Variants in SLCO2A1 observed in about 807,000 individuals in gnomAD.
SLCO2A1 encodes the protein matrin F/G 1.
A neutral mutation model predicts 71.7 loss-of-function variants in SLCO2A1; 60 were observed. The ratio of observed to expected loss-of-function variants is 0.84; its 90% CI spans 0.68 to 1.04. The LOEUF (loss-of-function observed/expected upper bound fraction) is 1.04. SLCO2A1 is among the 50% of genes least tolerant of loss of function. The pLI is 0.00. For synonymous variants in SLCO2A1, 308 were observed against 326.7 expected, an observed-to-expected ratio of 0.94 and a Z score of 0.62; for missense variants, 745 against 813.4, an observed-to-expected ratio of 0.92 and a Z score of 1.02.
chr3:133,969,737 A>G (rs1934282552), intron 3 of SLCO2A1, among the ~76,000 whole-genome samples: 2 of 152,164 alleles, frequency 1.3e-5, no homozygotes. Flanking sequence ...CTCCCATTTT[A>G]TAGGTAAGGA....
intron 1 of SLCO2A1, among the ~76,000 whole-genome samples, chr3:133,989,009 G>A (rs1220583336): frequency 6.6e-6 from 1 of 152,186 alleles, no homozygotes; most frequent in Non-Finnish European, 1.5e-5. Flanking sequence ...AGGATCAAAG[G>A]CTACTCTCCT....
At chr3:133,934,946 G>A in intron 13 of SLCO2A1, 116 bp from the exon 14 acceptor site, 5 of 759,098 alleles carry the variant, frequency 6.6e-6, no homozygotes, top group Non-Finnish European at 8.8e-6. Flanking sequence ...GAAGGTGTGG[G>A]CACCATCCAG....
intron 1 of SLCO2A1, among the ~76,000 whole-genome samples, chr3:133,993,770 A>G (rs966038031): frequency 1.3e-5 from 2 of 152,232 alleles, no homozygotes; most frequent in African/African-American, 4.8e-5. Context: ...TAGGACATTC[A>G]GACCTATTAG....
At chr3:133,970,382 C>T (rs1934295967) in intron 3 of SLCO2A1, among the ~76,000 whole-genome samples, 1 of 152,194 alleles carries the variant, frequency 6.6e-6, no homozygotes, top group Non-Finnish European at 1.5e-5. Flanking sequence ...TCCAGTAGAC[C>T]ATTCAGGTTC....
intron 3 of SLCO2A1, among the ~76,000 whole-genome samples, chr3:133,967,514 C>T (rs767703024): frequency 2.0e-5 from 3 of 152,194 alleles, no homozygotes; most frequent in Non-Finnish European, 2.9e-5. Flanking sequence ...TCCTACACCA[C>T]GCATTTAAAA....
At chr3:134,013,151 C>A (rs1935374431) in intron 1 of SLCO2A1, among the ~76,000 whole-genome samples, 1 of 152,170 alleles carries the variant, frequency 6.6e-6, no homozygotes. Context: ...ACAAAGTAGA[C>A]ACTCAATAGA....
chr3:133,945,748 T>C (rs1467971760), intron 9 of SLCO2A1, among the ~76,000 whole-genome samples: 3 of 152,228 alleles, frequency 2.0e-5, no homozygotes, highest in Non-Finnish European at 4.4e-5. Context: ...GGGATTTCAC[T>C]GGTTGATCTC....
intron 1 of SLCO2A1, among the ~76,000 whole-genome samples, chr3:133,991,213 C>T (rs1258961732): frequency 3.9e-5 from 6 of 152,188 alleles, no homozygotes; most frequent in East Asian, 3.9e-4. Context: ...GAAAGATCCT[C>T]GGAGCTGAAG....
intron 1 of SLCO2A1, among the ~76,000 whole-genome samples, chr3:134,020,428 CGGGGGA>C (rs1935549228): frequency 6.6e-6 from 1 of 152,184 alleles, no homozygotes; most frequent in East Asian, 1.9e-4. Flanking sequence ...AACATCTCGG[CGGGGGA>C]CTCCAACTAG....
At chr3:133,955,722 T>G (rs1285707055) in intron 3 of SLCO2A1, among the ~76,000 whole-genome samples, 1 of 152,152 alleles carries the variant, frequency 6.6e-6, no homozygotes, top group Non-Finnish European at 1.5e-5. Context: ...GAGTCCCTGG[T>G]TGTGACTCCC....
intron 1 of SLCO2A1, among the ~76,000 whole-genome samples, chr3:134,017,197 A>C (rs1935471662): frequency 1.3e-5 from 2 of 152,248 alleles, no homozygotes; most frequent in South Asian, 4.1e-4. Flanking sequence ...TAGCAATGTC[A>C]ATGTTCTGCT....
At position 133,938,460 on chromosome 3, in the gene SLCO2A1, G is replaced by A. The variant is rs766028551; in HGVS notation, c.1659C>T (p.Ile553=). ...AGCGCATCAACAAGAACTGCACCCC[G>A]ATGGCAAATGACTTTTCCTCCTGGT... ...VVNQEEKSFA[I]GVQFLLMRLL... is the part of the protein sequence containing the mutation. Residue 553 remains isoleucine, a synonymous_variant, in exon 12 of 14, where the codon ATC becomes ATT. Transcript: ENST00000310926. The A allele has an allele frequency of 2.4e-5, 39 of 1,613,964 alleles. No individual in the cohort carries two copies. The highest frequency in any genetic ancestry group is 1.6e-4 in the Middle Eastern group (1 of 6,084).
intron 6 of SLCO2A1, among the ~76,000 whole-genome samples, chr3:133,949,712 C>T (rs1355611972): frequency 2.0e-5 from 3 of 152,230 alleles, no homozygotes; most frequent in Admixed American, 2.0e-4. Flanking sequence ...TGTCTCATTC[C>T]TCACAACGCT....
chr3:133,950,118 C>T (rs1933702102), intron 6 of SLCO2A1, among the ~76,000 whole-genome samples: 1 of 151,958 alleles, frequency 6.6e-6, no homozygotes, highest in African/African-American at 2.4e-5. Flanking sequence ...CTGCCTTGGC[C>T]TCCTAAAGTG....
chr3:134,004,673 A>G (rs987086258), intron 1 of SLCO2A1, among the ~76,000 whole-genome samples: 3 of 152,196 alleles, frequency 2.0e-5, no homozygotes, highest in Non-Finnish European at 4.4e-5. Flanking sequence ...GTCCAAAACA[A>G]AAAAAGGTGA....
chr3:133,952,505 C>T (rs1933770320), intron 5 of SLCO2A1, among the ~76,000 whole-genome samples: 1 of 152,210 alleles, frequency 6.6e-6, no homozygotes, highest in African/African-American at 2.4e-5. Context: ...CACCCTACAG[C>T]ACTTTGCCTG....
At chr3:134,026,647 C>T (rs190563031) in intron 1 of SLCO2A1, among the ~76,000 whole-genome samples, 20 of 152,266 alleles carry the variant, frequency 1.3e-4, no homozygotes, top group African/African-American at 4.6e-4. Flanking sequence ...TACAAGCTGT[C>T]TTAAAAATAA....
In SLCO2A1 at chr3:133,934,500, A is replaced by G; in HGVS notation, c.*213T>C. ...GGGGCCAGGGAAGACTCAGCCCCCC[A>G]GTTCTGGCCCACACAGCCCGGGTAC... On this transcript the variant is annotated 3_prime_UTR_variant, in exon 14 of 14. Coordinates refer to ENST00000310926, the MANE Select transcript of SLCO2A1 (RefSeq NM_005630.3). 2.2e-6 allele frequency: 1 copy of G among 462,094 alleles called. No homozygotes were observed. The highest frequency in any genetic ancestry group is 3.9e-5 in the East Asian group (1 of 25,602). The allele number at this position is 462,094 out of a possible 1,614,324, so 28.6% of individuals were successfully genotyped here.
At position 133,935,890 on chromosome 3, in the gene SLCO2A1, C is replaced by T; in HGVS notation, c.1698G>A (p.Leu566=). 2 of 1,597,438 alleles carry T rather than the reference C, an allele frequency of 1.3e-6. No individual in the cohort carries two copies. The highest frequency in any genetic ancestry group is 1.7e-6 in the Non-Finnish European group (2 of 1,170,748). Residue 566 remains leucine, a synonymous_variant, in exon 13 of 14, where the codon CTG becomes CTA. Transcript: ENST00000310926. ...QFLLMRLLAW[L]PSPALYGLTI... ...TGAGGCCATAGAGGGCTGGAGATGG[C>T]AGCCAGGCTGGAAGAGGGTTCAGAA...
Sources: allele counts gnomAD v4.1 joint callset (sites outside exome capture counted in the v4.1 genomes callset), GRCh38; gene constraint gnomAD v4.1.1; transcripts MANE v1.5; gene names NCBI Gene and HGNC (gene_info 2026-07-23, HGNC 2026-07-21).